WWP1: variants seen among roughly 807,000 people sequenced by gnomAD.
WWP1 encodes NEDD4-like E3 ubiquitin-protein ligase WWP1.
WWP1 carries 49 observed loss-of-function variants against 130.6 expected under a neutral mutation model. The ratio of observed to expected loss-of-function variants is 0.38; its 90% CI spans 0.30 to 0.48. The LOEUF (loss-of-function observed/expected upper bound fraction) is 0.48, where lower values mean the gene tolerates loss of function less well. Ranked by LOEUF, WWP1 falls within the 20% of genes least tolerant of loss-of-function variation. The pLI is 0.99. For synonymous variants in WWP1, 332 were observed against 367.8 expected (o/e 0.90, Z 1.11); for missense variants, 809 against 1,100.6 (o/e 0.74, Z 3.75).
At chr8:86,447,042 A>G (rs142955198) in intron 18 of WWP1, among the ~76,000 whole-genome samples, 1,682 of 152,318 alleles carry the variant, frequency 0.011, 20 homozygotes, top group Middle Eastern at 0.037. Flanking sequence ...TGAAATAGTC[A>G]TCTAGGAAAG....
chr8:86,391,525 C>G (rs1178801412), intron 5 of WWP1, among the ~76,000 whole-genome samples: 1 of 152,100 alleles, frequency 6.6e-6, no homozygotes, highest in Non-Finnish European at 1.5e-5. Context: ...AAAAAAATCC[C>G]TCTATTGTTA....
chr8:86,378,721 C>A (rs1027418290), intron 3 of WWP1, among the ~76,000 whole-genome samples: 1 of 152,108 alleles, frequency 6.6e-6, no homozygotes, highest in Non-Finnish European at 1.5e-5. Context: ...TGAAAAATCT[C>A]TTTTCTTACC....
chr8:86,448,472 C>T lies in WWP1; in HGVS notation c.2232C>T (p.Ser744=). The T allele has an allele frequency of 1.9e-6, 3 of 1,613,632 alleles. No homozygotes were observed. Among genetic ancestry groups the T allele is most frequent in the Non-Finnish European group, 2.5e-6 (3 of 1,179,862 alleles). ...CACATGACCTGAAGTTGGGAGGTTC[C>T]AATATTCTGGTGACTGAGGAGAACA... ...VTSHDLKLGG[S]NILVTEENKD... is the part of the protein sequence containing the mutation. The change falls in exon 20 of 25, where the codon TCC becomes TCT. Residue 744 remains serine (S), a synonymous_variant. Transcript: ENST00000517970.
intron 5 of WWP1, among the ~76,000 whole-genome samples, chr8:86,389,822 C>A (rs1228199167): frequency 1.3e-5 from 2 of 149,736 alleles, no homozygotes; most frequent in Non-Finnish European, 3.0e-5. Context: ...GGGCGGCTGG[C>A]GGGGTGGGGG....
chr8:86,435,267 C>T (rs894516839), intron 14 of WWP1, among the ~76,000 whole-genome samples, 185 bp from the exon 15 acceptor site: 1 of 152,154 alleles, frequency 6.6e-6, no homozygotes. Context: ...ATATGTGTGT[C>T]CTGTTGCTGT....
At chr8:86,401,965 G>T (rs753684215) in intron 7 of WWP1, 54 bp from the exon 8 acceptor site, 34 of 1,389,768 alleles carry the variant, frequency 2.4e-5, no homozygotes, top group Non-Finnish European at 3.1e-5. Flanking sequence ...AAATTCTCAT[G>T]AAATGTTGTT....
chr8:86,374,244 A>C, intron 3 of WWP1, 124 bp downstream of exon 3: 2 of 720,390 alleles, frequency 2.8e-6, no homozygotes, highest in South Asian at 4.3e-5. Flanking sequence ...TATTTGTTGC[A>C]ACAAGCCTCA....
intron 8 of WWP1, among the ~76,000 whole-genome samples, chr8:86,406,337 G>A (rs181172939): frequency 3.0e-4 from 45 of 152,150 alleles, no homozygotes; most frequent in Middle Eastern, 6.8e-3. Flanking sequence ...TTGTTCCTCT[G>A]GTCATAACTT....
intron 20 of WWP1, among the ~76,000 whole-genome samples, chr8:86,451,111 C>T (rs1340388443): frequency 6.7e-6 from 1 of 148,990 alleles, no homozygotes; most frequent in African/African-American, 2.5e-5. Context: ...GTGGTGTGCA[C>T]TTGTAGTCCC....
At chr8:86,425,400 G>T in intron 10 of WWP1, 82 bp downstream of exon 10, 1 of 1,008,054 alleles carries the variant, frequency 9.9e-7, no homozygotes, top group South Asian at 1.8e-5. Flanking sequence ...AGCGTAATTT[G>T]ATTCTTTCAT....
intron 5 of WWP1, among the ~76,000 whole-genome samples, chr8:86,386,132 T>C (rs1356651274): frequency 6.6e-6 from 1 of 152,244 alleles, no homozygotes; most frequent in African/African-American, 2.4e-5. Flanking sequence ...CTCATTATCT[T>C]CTGAGTATGC....
intron 1 of WWP1, among the ~76,000 whole-genome samples, chr8:86,363,146 A>G (rs1415965756): frequency 2.0e-5 from 3 of 152,134 alleles, no homozygotes; most frequent in Non-Finnish European, 2.9e-5. Flanking sequence ...TACAATATGG[A>G]ATGAGAACTT....
chr8:86,348,377 C>T (rs541425575), intron 1 of WWP1, among the ~76,000 whole-genome samples: 1 of 152,262 alleles, frequency 6.6e-6, no homozygotes, highest in African/African-American at 2.4e-5. Context: ...CACCACCACA[C>T]CTGGCTAATT....
In WWP1 at chr8:86,402,129, C is replaced by T. The variant is rs144084001; in HGVS notation, c.650C>T (p.Pro217Leu). Reference protein sequence around the residue: ...VVNGDNTPSSPSQVAARPKNT... With the variant: ...VVNGDNTPSSLSQVAARPKNT... ...AATGGAGACAACACACCTTCATCTC[C>T]GTCTCAGGTTGCTGCCAGACCCAAA... The change falls in exon 8 of 25, where the codon CCG (proline) becomes CTG (leucine). Residue 217 changes from proline to leucine, a missense_variant. Coordinates refer to ENST00000517970, the MANE Select transcript of WWP1 (RefSeq NM_007013.4). The T allele has an allele frequency of 9.9e-5, 160 of 1,613,782 alleles. No individual in the cohort carries two copies. In the African/African-American group the frequency reaches 1.3e-3, roughly 13 times the overall value.
chr8:86,456,593 C>T (rs1290883780), intron 21 of WWP1, among the ~76,000 whole-genome samples: 1 of 151,936 alleles, frequency 6.6e-6, no homozygotes, highest in African/African-American at 2.4e-5. Flanking sequence ...ACCAGTTCTA[C>T]TGTTAGGTGT....
chr8:86,449,748 CTCTG>C (rs1445832003), intron 20 of WWP1, among the ~76,000 whole-genome samples: 2 of 152,188 alleles, frequency 1.3e-5, no homozygotes, highest in African/African-American at 4.8e-5. Context: ...TAGCTGTCAT[CTCTG>C]TCTCTTTCAG....
At chr8:86,406,552 C>T (rs1808290671) in intron 8 of WWP1, among the ~76,000 whole-genome samples, 1 of 152,160 alleles carries the variant, frequency 6.6e-6, no homozygotes, top group Admixed American at 6.5e-5. Context: ...CCTTCACCAG[C>T]CTCCTCCAGT....
chr8:86,465,832 A>G (rs1812067986), intron 24 of WWP1, among the ~76,000 whole-genome samples: 1 of 152,210 alleles, frequency 6.6e-6, no homozygotes, highest in South Asian at 2.1e-4. Flanking sequence ...AGTTGCTGCT[A>G]TTAATATCTT....
At chr8:86,424,477 T>A (rs576317326) in intron 9 of WWP1, among the ~76,000 whole-genome samples, 263 of 150,078 alleles carry the variant, frequency 1.8e-3, no homozygotes, top group African/African-American at 6.0e-3. Context: ...AGGTTGTAGC[T>A]AGCCGAGATC....
Sources: allele counts gnomAD v4.1 joint callset (sites outside exome capture counted in the v4.1 genomes callset), GRCh38; gene constraint gnomAD v4.1.1; transcripts MANE v1.5; gene names NCBI Gene and HGNC (gene_info 2026-07-23, HGNC 2026-07-21).